SNX29: variants seen among roughly 807,000 people sequenced by gnomAD.
SNX29 encodes the protein sorting nexin-29.
Under a neutral mutation model 102.1 loss-of-function variants are expected in SNX29, and 78 were observed. The ratio of observed to expected loss-of-function variants is 0.76; its 90% CI spans 0.64 to 0.92. The LOEUF is 0.92. SNX29 is among the 40% of genes least tolerant of loss of function. The pLI is 0.00. For missense variants in SNX29, 1,280 were observed against 1,061.7 expected, an observed-to-expected ratio of 1.21 and a Z score of -2.86; for synonymous variants, 580 against 414.5, an observed-to-expected ratio of 1.40 and a Z score of -4.85.
At chr16:12,399,078 A>G (rs1173954696) in intron 17 of SNX29, among the ~76,000 whole-genome samples, 1 of 152,054 alleles carries the variant, frequency 6.6e-6, no homozygotes, top group Non-Finnish European at 1.5e-5. Context: ...TTTTTGAGAT[A>G]GAATCTCTGT....
At chr16:12,348,743 A>T (rs1365835523) in intron 15 of SNX29, among the ~76,000 whole-genome samples, 1 of 152,142 alleles carries the variant, frequency 6.6e-6, no homozygotes, top group Admixed American at 6.5e-5. Context: ...TCCGAATCCC[A>T]GTTCTGCTGC....
intron 15 of SNX29, among the ~76,000 whole-genome samples, chr16:12,279,402 A>C (rs2079359548): frequency 1.3e-5 from 2 of 152,236 alleles, no homozygotes; most frequent in South Asian, 4.1e-4. Context: ...GGTGAGCTCA[A>C]GGGAAGGCAA....
chr16:12,540,372 G>A (rs1051651287), intron 20 of SNX29, among the ~76,000 whole-genome samples: 2 of 152,128 alleles, frequency 1.3e-5, no homozygotes, highest in African/African-American at 4.8e-5. Flanking sequence ...ATTTCTTATT[G>A]TTGCCCTACC....
chr16:12,177,946 T>G (rs1374401979), intron 13 of SNX29, among the ~76,000 whole-genome samples: 1 of 152,214 alleles, frequency 6.6e-6, no homozygotes, highest in Admixed American at 6.5e-5. Context: ...GGCATCTGTT[T>G]TTTGTCTAGC....
At chr16:12,466,827 A>G (rs1252926753) in intron 18 of SNX29, among the ~76,000 whole-genome samples, 2 of 152,238 alleles carry the variant, frequency 1.3e-5, no homozygotes, top group African/African-American at 2.4e-5. Context: ...TGGAAAGTCC[A>G]TTAACTTAGC....
intron 8 of SNX29, among the ~76,000 whole-genome samples, chr16:12,057,137 T>G (rs1021328630): frequency 6.6e-6 from 1 of 152,166 alleles, no homozygotes; most frequent in Non-Finnish European, 1.5e-5. Flanking sequence ...TTAAATCACT[T>G]TATATGTGCT....
At chr16:12,228,290 A>G (rs2077674114) in intron 14 of SNX29, among the ~76,000 whole-genome samples, 1 of 152,246 alleles carries the variant, frequency 6.6e-6, no homozygotes, top group Non-Finnish European at 1.5e-5. Context: ...GGCAGGCATC[A>G]TTAATCAAAC....
chr16:12,404,753 C>T (rs1362427020), intron 18 of SNX29, among the ~76,000 whole-genome samples: 1 of 152,176 alleles, frequency 6.6e-6, no homozygotes, highest in East Asian at 1.9e-4. Context: ...GTTTCTTCAG[C>T]TGTAAAATGG....
chr16:12,355,434 G>A (rs1050195476), intron 15 of SNX29, among the ~76,000 whole-genome samples: 3 of 152,114 alleles, frequency 2.0e-5, no homozygotes, highest in Admixed American at 6.6e-5. Flanking sequence ...GAGTCCTGGG[G>A]CGTTGGAGGG....
At chr16:12,400,887 A>C (rs113280422) in intron 17 of SNX29, among the ~76,000 whole-genome samples, 1 of 152,140 alleles carries the variant, frequency 6.6e-6, no homozygotes, top group African/African-American at 2.4e-5. Flanking sequence ...CAGTGGCACT[A>C]TCTCTGCTCA....
chr16:12,045,095 C>A (rs552263379), intron 5 of SNX29, among the ~76,000 whole-genome samples: 22 of 152,274 alleles, frequency 1.4e-4, no homozygotes, highest in Admixed American at 1.1e-3. Flanking sequence ...CGAAAACAGG[C>A]TCAGATTTTT....
Position 12,028,682 on chromosome 16 carries a change from A to T in SNX29, c.247+1238A>T, listed in dbSNP as rs573514265. ...CCTGGCTCCAACAGTTCTTTTTTTTAAAAAAATTATTATTAAAATTATTTT... is the reference window on the plus strand; with the variant it reads ...CCTGGCTCCAACAGTTCTTTTTTTTTAAAAAATTATTATTAAAATTATTTT... On this transcript the variant is annotated intron_variant, in intron 4 of 20. Transcript: ENST00000566228. 2.2e-3 allele frequency among the ~76,000 whole-genome samples: 331 copies of T among 151,926 alleles called. 1 individual carries two copies. The highest frequency in any genetic ancestry group is 4.3e-3 in the Admixed American group (65 of 15,256).
At chr16:12,248,430 C>CT (rs1391923665) in intron 14 of SNX29, among the ~76,000 whole-genome samples, 1 of 150,310 alleles carries the variant, frequency 6.7e-6, no homozygotes, top group African/African-American at 2.5e-5. Context: ...CAGTCTCACT[C>CT]TATCACCCAG....
At chr16:12,470,700 C>T (rs915937436) in intron 18 of SNX29, among the ~76,000 whole-genome samples, 1 of 152,196 alleles carries the variant, frequency 6.6e-6, no homozygotes, top group African/African-American at 2.4e-5. Flanking sequence ...TTGTGTTTCC[C>T]CGCCTGCCTA....
At chr16:12,543,313 C>A (rs762015160) in intron 20 of SNX29, among the ~76,000 whole-genome samples, 1 of 152,154 alleles carries the variant, frequency 6.6e-6, no homozygotes, top group African/African-American at 2.4e-5. Context: ...GAATGGAGCA[C>A]CTTGATTAGC....
At chr16:12,056,357 G>A (rs1005193105) in intron 8 of SNX29, among the ~76,000 whole-genome samples, 6 of 152,154 alleles carry the variant, frequency 3.9e-5, no homozygotes, top group African/African-American at 1.4e-4. Context: ...GAAGCCAGAG[G>A]GCCTCCTGCA....
intron 18 of SNX29, among the ~76,000 whole-genome samples, chr16:12,471,493 A>G (rs962880046): frequency 6.6e-6 from 1 of 152,050 alleles, no homozygotes; most frequent in Non-Finnish European, 1.5e-5. Flanking sequence ...TGGAATTCGA[A>G]CCCATTTCTC....
intron 18 of SNX29, among the ~76,000 whole-genome samples, chr16:12,418,717 G>A (rs2084749419): frequency 6.6e-6 from 1 of 152,128 alleles, no homozygotes. Context: ...GTTTTGCCCT[G>A]TTGGTTAGGC....
chr16:12,367,233 G>C (rs1044010397), intron 16 of SNX29: 2 of 152,314 alleles, frequency 1.3e-5, no homozygotes, highest in African/African-American at 4.8e-5. Context: ...CCCTGAGACA[G>C]AGACTGTTGT....
Sources: allele counts gnomAD v4.1 joint callset (sites outside exome capture counted in the v4.1 genomes callset), GRCh38; gene constraint gnomAD v4.1.1; transcripts MANE v1.5; gene names NCBI Gene and HGNC (gene_info 2026-07-23, HGNC 2026-07-21).